MRPS6: variants seen among roughly 807,000 people sequenced by gnomAD.
The protein encoded by MRPS6 is mitochondrial ribosomal protein S6.
A neutral mutation model predicts 13.1 loss-of-function variants in MRPS6; 6 were observed. The observed-to-expected ratio is 0.46, with a 90% CI of 0.25 to 0.91. The LOEUF (loss-of-function observed/expected upper bound fraction) is 0.91. Ranked by LOEUF, MRPS6 falls within the 40% of genes least tolerant of loss-of-function variation. MRPS6 has a pLI of 0.18. For missense variants in MRPS6, 164 were observed against 155.6 expected, an observed-to-expected ratio of 1.05 and a Z score of -0.29; for synonymous variants, 61 against 56.5, an observed-to-expected ratio of 1.08 and a Z score of -0.36.
At chr21:34,131,022 T>G (rs561207225) in intron 2 of MRPS6, among the ~76,000 whole-genome samples, 68 of 152,354 alleles carry the variant, frequency 4.5e-4, no homozygotes, top group African/African-American at 1.6e-3. Context: ...ACTTGTGCCA[T>G]GTAGCACATG....
intron 1 of MRPS6, chr21:34,095,544 C>T: frequency 3.1e-6 from 5 of 1,613,648 alleles, no homozygotes; most frequent in Non-Finnish European, 4.2e-6. Context: ...CTTGTCCAAG[C>T]GATTTGGTGG....
chr21:34,103,739 G>A, intron 1 of MRPS6: 1 of 999,752 alleles, frequency 1.0e-6, no homozygotes, highest in Non-Finnish European at 1.2e-6. Context: ...TATCTAAACT[G>A]GTCCTAATGG....
At chr21:34,137,639 T>G (rs1276170444) in intron 2 of MRPS6, among the ~76,000 whole-genome samples, 1 of 152,210 alleles carries the variant, frequency 6.6e-6, no homozygotes, top group Non-Finnish European at 1.5e-5. Context: ...TGAATAGAAG[T>G]GACAGTGGAC....
intron 1 of MRPS6, among the ~76,000 whole-genome samples, chr21:34,075,432 T>A (rs1160039160): frequency 6.6e-6 from 1 of 152,188 alleles, no homozygotes; most frequent in Non-Finnish European, 1.5e-5. Flanking sequence ...TGTAATAACA[T>A]AGCCTTTGGA....
intron 1 of MRPS6, chr21:34,098,304 T>C: frequency 3.0e-6 from 3 of 1,000,174 alleles, no homozygotes; most frequent in Non-Finnish European, 3.6e-6. Context: ...CCTAGGTGGA[T>C]CCAGTTGGAA....
chr21:34,094,737 A>AG (rs1216951128), intron 1 of MRPS6: 1 of 3,246 alleles, frequency 3.1e-4, no homozygotes, highest in Non-Finnish European at 4.7e-4. Flanking sequence ...AGTGTATTAA[A>AG]AAAATTTTTT....
intron 2 of MRPS6, among the ~76,000 whole-genome samples, chr21:34,129,469 T>C (rs1284636463): frequency 6.6e-6 from 1 of 152,228 alleles, no homozygotes; most frequent in Non-Finnish European, 1.5e-5. Context: ...GAAGGTGTTT[T>C]TCTTGCCTGT....
At chr21:34,099,458 T>C in intron 1 of MRPS6, 1 of 1,000,108 alleles carries the variant, frequency 1.0e-6, no homozygotes, top group Non-Finnish European at 1.2e-6. Context: ...AGTAATAAGA[T>C]CTTGGATTTT....
chr21:34,097,837 T>A, intron 1 of MRPS6: 1 of 997,928 alleles, frequency 1.0e-6, no homozygotes, highest in Non-Finnish European at 1.2e-6. Flanking sequence ...TCGAATGTGC[T>A]TGTGTGATAC....
At chr21:34,078,207 T>G (rs1278650085) in intron 1 of MRPS6, among the ~76,000 whole-genome samples, 1 of 152,168 alleles carries the variant, frequency 6.6e-6, no homozygotes, top group East Asian at 1.9e-4. Flanking sequence ...AATCTCTCTT[T>G]GTGTTTTATC....
intron 2 of MRPS6, among the ~76,000 whole-genome samples, chr21:34,136,869 G>C (rs1004353600): frequency 4.6e-5 from 7 of 152,108 alleles, no homozygotes; most frequent in Admixed American, 6.5e-5. Context: ...AAGTTTTATA[G>C]CTTTATATTT....
intron 1 of MRPS6, among the ~76,000 whole-genome samples, chr21:34,086,300 A>G (rs2148655501): frequency 6.6e-6 from 1 of 152,258 alleles, no homozygotes; most frequent in East Asian, 1.9e-4. Context: ...ATTTTAGAGA[A>G]AAGATTAATT....
At chr21:34,124,988 C>A in intron 1 of MRPS6, 1 of 166,964 alleles carries the variant, frequency 6.0e-6, no homozygotes, top group Admixed American at 6.3e-5. Flanking sequence ...AATTTTGAGT[C>A]ATGGGATACA....
chr21:34,122,334 C>A (rs564303937), intron 1 of MRPS6: 1 of 152,142 alleles, frequency 6.6e-6, no homozygotes, highest in African/African-American at 2.4e-5. Context: ...GAGGTAAGGT[C>A]TATGGGGCGT....
At chr21:34,140,374 T>G (rs956580956) in intron 2 of MRPS6, among the ~76,000 whole-genome samples, 1 of 152,226 alleles carries the variant, frequency 6.6e-6, no homozygotes, top group African/African-American at 2.4e-5. Flanking sequence ...TCCTTCTACC[T>G]GTTTGTCCAG....
At chr21:34,099,640 G>T in intron 1 of MRPS6, 1 of 997,862 alleles carries the variant, frequency 1.0e-6, no homozygotes. Flanking sequence ...TTGAGTCCTA[G>T]TAGTTTGGAG....
At chr21:34,097,043 A>T in intron 1 of MRPS6, 2 of 1,614,152 alleles carry the variant, frequency 1.2e-6, no homozygotes, top group Non-Finnish European at 1.7e-6. Flanking sequence ...AGGGCAACCC[A>T]GTGGCATCCT....
chr21:34,099,747 T>G lies in MRPS6; in HGVS notation c.46-25594T>G, dbSNP rs560499287. The stretch of plus-strand genomic sequence containing the variant: ...TGTGTATATAGCAGTAGGTCAAGTT[T>G]AGAGTACTAAAGTCTGTAAATAAGG... On this transcript the variant is annotated intron_variant, in intron 1 of 2. Transcript: ENST00000399312. 1.3e-5 allele frequency: 13 copies of G among 986,022 alleles called. No individual in the cohort carries two copies. In the East Asian group the frequency reaches 5.7e-4, roughly 43 times the overall value. 61.1% of individuals were successfully genotyped at this position (986,022 alleles called of 1,614,324 possible).
chr21:34,096,180 A>G lies in MRPS6; in HGVS notation c.45+22435A>G, dbSNP rs761508537. 9.3e-6 allele frequency: 15 copies of G among 1,614,202 alleles called. No individual in the cohort carries two copies. In the South Asian group the frequency reaches 1.2e-4, roughly 13 times the overall value. ...TTCCAGGATACTGTTTACTGATGAT[A>G]TAGCTTGCATCAACCCAGAGCACTG... On this transcript the variant is annotated intron_variant, in intron 1 of 2. Transcript: ENST00000399312. The surrounding 1 kb of genome is among the most constrained non-coding windows in gnomAD (Gnocchi z 5.9).
Sources: allele counts gnomAD v4.1 joint callset (sites outside exome capture counted in the v4.1 genomes callset), GRCh38; gene constraint gnomAD v4.1.1; non-coding constraint Gnocchi (gnomAD v3.1); transcripts MANE v1.5; gene names NCBI Gene and HGNC (gene_info 2026-07-23, HGNC 2026-07-21).